BRCA2: variants seen among roughly 807,000 people sequenced by gnomAD.
BRCA2 encodes BRCA2 DNA repair associated, also known as breast cancer type 2 susceptibility protein.
In BRCA2, 203 loss-of-function variants were observed where a neutral mutation model predicts 276.7. That is an observed-to-expected ratio of 0.73 (90% CI 0.65 to 0.82). The LOEUF is 0.82. Ranked by LOEUF, BRCA2 falls within the 40% of genes least tolerant of loss-of-function variation. BRCA2 has a pLI of 0.00. For synonymous variants in BRCA2, 1,289 were observed against 1,338.4 expected (o/e 0.96, Z 0.81); for missense variants, 3,920 against 3,915.0 (o/e 1.00, Z -0.03).
chr13:32,337,275 G>A lies in BRCA2; in HGVS notation c.2920G>A (p.Asp974Asn), dbSNP rs539613324. ...KMTLGQDLKSDISLNIDKIPE... is the reference protein window; with the variant it reads ...KMTLGQDLKSNISLNIDKIPE... ...GACTCTAGGTCAAGATTTAAAATCG[G>A]ACATCTCCTTGAATATAGATAAAAT... is the stretch of plus-strand genomic sequence containing the variant. Residue 974 changes from aspartate to asparagine, a missense_variant, in exon 11 of 27, where the codon GAC (aspartate) becomes AAC (asparagine). Physicochemically the swap from Asp to Asn is conservative, Grantham distance 23. Transcript: ENST00000380152. The A allele has an allele frequency of 6.8e-6, 11 of 1,612,008 alleles. No homozygotes were observed. The East Asian group carries it at 2.0e-4, about 29-fold the overall frequency.
intron 24 of BRCA2, among the ~76,000 whole-genome samples, chr13:32,391,319 G>A (rs1374776541): frequency 6.6e-6 from 1 of 152,220 alleles, no homozygotes; most frequent in African/African-American, 2.4e-5. Flanking sequence ...TTGGGCAGAA[G>A]AAGAAGAAAG....
At chr13:32,367,998 A>ATTTTTT (rs2072796424) in intron 18 of BRCA2, among the ~76,000 whole-genome samples, 1 of 78,234 alleles carries the variant, frequency 1.3e-5, no homozygotes, top group Admixed American at 1.6e-4. Context: ...TTTTCTTCTA[A>ATTTTTT]TTCTTTTTTT....
chr13:32,326,660 A>G, intron 7 of BRCA2, 47 bp downstream of exon 7: 2 of 1,378,256 alleles, frequency 1.5e-6, no homozygotes, highest in Non-Finnish European at 2.0e-6. Context: ...GATGAGGTTG[A>G]TAATTGTCAT....
intron 16 of BRCA2, among the ~76,000 whole-genome samples, chr13:32,361,620 C>T (rs1297484179): frequency 1.3e-5 from 2 of 152,102 alleles, no homozygotes; most frequent in Admixed American, 6.5e-5. Context: ...ATTTCCTGAT[C>T]GTTGGCCTTG....
Position 32,339,581 on chromosome 13 carries a change from CAGT to C in BRCA2, c.5229_5231del (p.Ser1744del), listed in dbSNP as rs397507349. ...AAAAACAAGATACTTATTTAAGTAA[CAGT>C]AGCATGTCTAACAGCTATTCCTACC... On this transcript the variant is annotated inframe_deletion, in exon 11 of 27. Coordinates refer to ENST00000380152, the MANE Select transcript of BRCA2 (RefSeq NM_000059.4). 9.9e-6 allele frequency: 16 copies of C among 1,610,030 alleles called. No homozygotes were observed. The highest frequency in any genetic ancestry group is 1.4e-5 in the Non-Finnish European group (16 of 1,177,300).
rs11571652 is a variant in BRCA2, at chr13:32,336,266, T to C, written c.1911T>C (p.Gly637=). The C allele has an allele frequency of 1.7e-4, 279 of 1,601,302 alleles. No homozygotes were observed. The African/African-American group carries it at 3.4e-3, about 20-fold the overall frequency. ...GTCACTTTGTGTTTTTATGTTTAGGTTTATTGCATTCTTCTGTGAAAAGAA... is the reference window on the plus strand; with the variant it reads ...GTCACTTTGTGTTTTTATGTTTAGGCTTATTGCATTCTTCTGTGAAAAGAA... ...APLTFANADS[G]LLHSSVKRSC... is the part of the protein sequence containing the mutation. Residue 637 remains glycine, a splice_region_variant and synonymous_variant, in exon 11 of 27, where the codon GGT becomes GGC. Coordinates refer to ENST00000380152, the MANE Select transcript of BRCA2 (RefSeq NM_000059.4).
chr13:32,381,976 G>T (rs1245987351), intron 24 of BRCA2, among the ~76,000 whole-genome samples: 2 of 152,184 alleles, frequency 1.3e-5, no homozygotes, highest in African/African-American at 4.8e-5. Flanking sequence ...AAGCAAGTAT[G>T]TGGGGAAGTT....
chr13:32,344,565 C>G lies in BRCA2; in HGVS notation c.6849C>G (p.Pro2283=), dbSNP rs1555285139. 3 of 1,527,908 alleles carry G rather than the reference C, an allele frequency of 2.0e-6. No individual in the cohort carries two copies. The highest frequency in any genetic ancestry group is 2.7e-6 in the Non-Finnish European group (3 of 1,105,266). 94.6% of individuals were successfully genotyped at this position (1,527,908 alleles called of 1,614,324 possible). ...TGAAATATTTCTTTTTAGGAGAACC[C>G]TCAATCAAAAGAAACTTATTAAATG... ...RGEPLILVGE[P]SIKRNLLNEF... Residue 2283 remains proline, a synonymous_variant, in exon 12 of 27, where the codon CCC becomes CCG. Transcript: ENST00000380152.
At chr13:32,373,285 A>T (rs1400931115) in intron 20 of BRCA2, among the ~76,000 whole-genome samples, 1 of 151,616 alleles carries the variant, frequency 6.6e-6, no homozygotes, top group Non-Finnish European at 1.5e-5. Context: ...AAGTGGGCAG[A>T]TCACAAGGTC....
Position 32,363,403 on chromosome 13 carries a change from C to T in BRCA2, c.8201C>T (p.Pro2734Leu), listed in dbSNP as rs876658732. 1 of 1,614,136 alleles carries T rather than the reference C, an allele frequency of 6.2e-7. No homozygotes were observed. Among genetic ancestry groups the T allele is most frequent in the African/African-American group, 1.3e-5 (1 of 75,032 alleles). ...GWYAVKAQLDPPLLAVLKNGR... is the reference protein window; with the variant it reads ...GWYAVKAQLDLPLLAVLKNGR... ...TATGCTGTTAAGGCCCAGTTAGATC[C>T]TCCCCTCTTAGCTGTCTTAAAGAAT... Residue 2734 changes from proline to leucine, a missense_variant, in exon 18 of 27, where the codon CCT (proline) becomes CTT (leucine). Coordinates refer to ENST00000380152, the MANE Select transcript of BRCA2 (RefSeq NM_000059.4).
In BRCA2 at chr13:32,394,830, C is replaced by T. The variant is rs876659439; in HGVS notation, c.9398C>T (p.Ser3133Leu). ...CTCCAGTGGCGACCAGAATCCAAAT[C>T]AGGCCTTCTTACTTTATTTGCTGGA... is the stretch of plus-strand genomic sequence containing the variant. ...SNLQWRPESKSGLLTLFAGDF... is the reference protein window; with the variant it reads ...SNLQWRPESKLGLLTLFAGDF... Residue 3133 changes from serine to leucine, a missense_variant, in exon 25 of 27, where the codon TCA becomes TTA. This residue lies in a region of BRCA2 where 657 missense variants were observed against 758.2 expected (regional missense o/e 0.87). Transcript: ENST00000380152. 6.2e-7 allele frequency: 1 copy of T among 1,614,104 alleles called. No individual in the cohort carries two copies. Among genetic ancestry groups the T allele is most frequent in the Non-Finnish European group, 8.5e-7 (1 of 1,179,986 alleles).
intron 24 of BRCA2, among the ~76,000 whole-genome samples, chr13:32,383,453 A>G (rs1317617771): frequency 3.3e-5 from 5 of 152,214 alleles, no homozygotes; most frequent in Non-Finnish European, 7.3e-5. Context: ...CTAAGTAAAC[A>G]CATCATGACT....
rs11571731 is a variant in BRCA2 at position 32,366,385 on chromosome 13, T to C, written c.8331+2852T>C. 5.3e-3 allele frequency among the ~76,000 whole-genome samples: 806 copies of C among 152,326 alleles called. 5 individuals carry two copies. Among genetic ancestry groups the C allele is most frequent in the African/African-American group, 0.019 (782 of 41,568 alleles). On this transcript the variant is annotated intron_variant, in intron 18 of 26. Coordinates refer to ENST00000380152, the MANE Select transcript of BRCA2 (RefSeq NM_000059.4). ...TACTCTTTTACGTATATTTGTTGTATGTGAGTAATTATATGATTATAGAGA... is the reference window on the plus strand; with the variant it reads ...TACTCTTTTACGTATATTTGTTGTACGTGAGTAATTATATGATTATAGAGA...
At chr13:32,362,809 C>A in intron 17 of BRCA2, 116 bp downstream of exon 17, 2 of 1,093,924 alleles carry the variant, frequency 1.8e-6, no homozygotes, top group Non-Finnish European at 2.7e-6. Flanking sequence ...TGACAGTTGC[C>A]ATCCCACACT....
At chr13:32,344,736 T>C (rs1320312817) in intron 12 of BRCA2, 83 bp downstream of exon 12, 1 of 972,298 alleles carries the variant, frequency 1.0e-6, no homozygotes, top group South Asian at 1.4e-5. Context: ...TCCACCTGCC[T>C]CTCAAAGTGC....
At chr13:32,346,651 A>C (rs552930672) in intron 12 of BRCA2, among the ~76,000 whole-genome samples, 176 bp from the exon 13 acceptor site, 1 of 152,228 alleles carries the variant, frequency 6.6e-6, no homozygotes, top group East Asian at 1.9e-4. Context: ...TTTGGTGCAT[A>C]GTCATTATCA....
chr13:32,388,522 A>C (rs1593197292), intron 24 of BRCA2, among the ~76,000 whole-genome samples: 1 of 152,184 alleles, frequency 6.6e-6, no homozygotes, highest in African/African-American at 2.4e-5. Flanking sequence ...ATTACATGAG[A>C]TATTCAACAC....
chr13:32,356,504 T>A lies in BRCA2; in HGVS notation c.7512T>A (p.Phe2504Leu), dbSNP rs80358977. ...AGAAGAAACAAAGGCAACGCGTCTT[T>A]CCACAGCCAGGCAGTCTGTATCTTG... ...RIKKKQRQRV[F>L]PQPGSLYLAK... is the part of the protein sequence containing the mutation. The change falls in exon 15 of 27, where the codon TTT becomes TTA. Residue 2504 changes from phenylalanine to leucine, a missense_variant. Phe to Leu is a conservative substitution (Grantham distance 22). Coordinates refer to ENST00000380152, the MANE Select transcript of BRCA2 (RefSeq NM_000059.4). 1 of 1,614,212 alleles carries A rather than the reference T, an allele frequency of 6.2e-7. No homozygotes were observed. The highest frequency in any genetic ancestry group is 1.7e-5 in the Admixed American group (1 of 60,030).
rs1450934154 is a variant in BRCA2 at position 32,333,197 on chromosome 13, T to C, written c.1719T>C (p.Ala573=). 6.2e-7 allele frequency: 1 copy of C among 1,613,884 alleles called. No individual in the cohort carries two copies. The highest frequency in any genetic ancestry group is 1.7e-5 in the Admixed American group (1 of 60,016). ...CCACCACCACACAGAATTCTGTAGCTTTGAAGAATGCAGGTTTAATATCCA... is the reference window on the plus strand; with the variant it reads ...CCACCACCACACAGAATTCTGTAGCCTTGAAGAATGCAGGTTTAATATCCA... The part of the protein sequence containing the change: ...WPATTTQNSV[A]LKNAGLISTL... Residue 573 remains alanine (A), a synonymous_variant, in exon 10 of 27, where the codon GCT becomes GCC. Transcript: ENST00000380152.
Sources: gnomAD v4.1 joint callset for allele counts (sites outside exome capture counted in the v4.1 genomes callset) on GRCh38, gnomAD v4.1.1 for gene constraint, gnomAD v4.1.1 regional missense constraint, MANE v1.5 for transcripts, NCBI Gene and HGNC (gene_info 2026-07-23, HGNC 2026-07-21) for gene names.